Variants in EXOC6 observed in about 807,000 individuals in gnomAD.
EXOC6 encodes the protein SEC15-like 1.
EXOC6 carries 60 observed loss-of-function variants against 112.5 expected under a neutral mutation model. That is an observed-to-expected ratio of 0.53 (90% CI 0.43 to 0.66). The LOEUF (loss-of-function observed/expected upper bound fraction) is 0.66. EXOC6 is among the 30% of genes least tolerant of loss of function. EXOC6 has a pLI of 0.00. For synonymous variants in EXOC6, 295 were observed against 308.0 expected (o/e 0.96, Z 0.44); for missense variants, 855 against 957.1 (o/e 0.89, Z 1.41).
chr10:93,003,800 G>A (rs1364448243), intron 19 of EXOC6, among the ~76,000 whole-genome samples: 16 of 152,106 alleles, frequency 1.1e-4, no homozygotes, highest in East Asian at 3.8e-4. Flanking sequence ...GACTATGACC[G>A]AAGTAAAATT....
At chr10:92,933,012 G>T (rs925611003) in intron 9 of EXOC6, among the ~76,000 whole-genome samples, 19 of 152,214 alleles carry the variant, frequency 1.2e-4, no homozygotes, top group African/African-American at 4.6e-4. Context: ...TGTGTAATGT[G>T]ATTTCCAGAG....
chr10:93,012,761 C>T (rs1044890494), intron 19 of EXOC6, among the ~76,000 whole-genome samples: 1 of 152,068 alleles, frequency 6.6e-6, no homozygotes, highest in African/African-American at 2.4e-5. Context: ...ATAATGTTCT[C>T]TAAAAAAATC....
At chr10:92,907,207 A>T (rs1850490589) in intron 5 of EXOC6, among the ~76,000 whole-genome samples, 1 of 152,182 alleles carries the variant, frequency 6.6e-6, no homozygotes, top group Non-Finnish European at 1.5e-5. Context: ...ATGAGACAGG[A>T]AAGTTGAGAG....
chr10:92,884,142 A>C (rs1367946426), intron 1 of EXOC6, among the ~76,000 whole-genome samples: 1 of 151,980 alleles, frequency 6.6e-6, no homozygotes, highest in African/African-American at 2.4e-5. Flanking sequence ...CAAGTGATTC[A>C]CCTGCCTTGG....
intron 1 of EXOC6, among the ~76,000 whole-genome samples, chr10:92,836,733 TC>T (rs1796085590): frequency 6.6e-6 from 1 of 152,298 alleles, no homozygotes; most frequent in African/African-American, 2.4e-5. Flanking sequence ...TTGATGCCTT[TC>T]CATACATATG....
At chr10:92,907,324 T>C (rs2133863860) in intron 5 of EXOC6, among the ~76,000 whole-genome samples, 1 of 152,300 alleles carries the variant, frequency 6.6e-6, no homozygotes, top group East Asian at 1.9e-4. Flanking sequence ...GGAGAACTTA[T>C]CTCTGACTTG....
chr10:92,982,241 G>A (rs183077903), intron 18 of EXOC6, among the ~76,000 whole-genome samples: 1 of 152,220 alleles, frequency 6.6e-6, no homozygotes, highest in African/African-American at 2.4e-5. Flanking sequence ...GAGATTAGAT[G>A]CCTAAAAAGC....
intron 18 of EXOC6, among the ~76,000 whole-genome samples, chr10:92,994,868 AT>A (rs1450372708): frequency 6.6e-6 from 1 of 151,904 alleles, no homozygotes; most frequent in Admixed American, 6.6e-5. Flanking sequence ...GGGTGTGTAA[AT>A]TTTTGGAGTG....
chr10:92,908,763 A>G (rs1850582997), intron 5 of EXOC6, among the ~76,000 whole-genome samples: 2 of 152,214 alleles, frequency 1.3e-5, no homozygotes, highest in Non-Finnish European at 2.9e-5. Flanking sequence ...ATCTAGGGCA[A>G]AGGCTACACT....
intron 19 of EXOC6, among the ~76,000 whole-genome samples, chr10:92,999,707 A>ATTT (rs11399257): frequency 3.4e-5 from 5 of 145,356 alleles, no homozygotes; most frequent in African/African-American, 5.1e-5. Context: ...ATTGTGCCTA[A>ATTT]TTTTTTTTTT....
intron 17 of EXOC6, among the ~76,000 whole-genome samples, chr10:92,971,714 A>T (rs568538494): frequency 6.6e-6 from 1 of 152,150 alleles, no homozygotes; most frequent in South Asian, 2.1e-4. Flanking sequence ...TTATTGATGT[A>T]TTCTCATAAT....
At chr10:93,017,700 T>C (rs970623833) in intron 20 of EXOC6, among the ~76,000 whole-genome samples, 1 of 151,686 alleles carries the variant, frequency 6.6e-6, no homozygotes, top group Non-Finnish European at 1.5e-5. Flanking sequence ...AAACCACTTA[T>C]ATTTCAAAAG....
chr10:93,049,825 C>T (rs921500222), intron 20 of EXOC6, among the ~76,000 whole-genome samples: 11 of 152,178 alleles, frequency 7.2e-5, no homozygotes, highest in Non-Finnish European at 1.3e-4. Context: ...GCCTTGGCCT[C>T]TCAAAGTGCT....
intron 4 of EXOC6, among the ~76,000 whole-genome samples, chr10:92,896,456 C>G (rs2133827370): frequency 6.7e-6 from 1 of 150,250 alleles, no homozygotes; most frequent in East Asian, 2.0e-4. Flanking sequence ...CTCGGCCTCC[C>G]AAAGTGCTAG....
chr10:92,833,708 CT>C (rs1409622715), upstream of EXOC6, among the ~76,000 whole-genome samples: 3 of 152,142 alleles, frequency 2.0e-5, no homozygotes, highest in African/African-American at 7.2e-5. Context: ...AAATAAAAAG[CT>C]TCTTATGGAA....
intron 19 of EXOC6, among the ~76,000 whole-genome samples, chr10:93,005,533 C>T (rs1162546517): frequency 6.6e-6 from 1 of 152,064 alleles, no homozygotes; most frequent in Non-Finnish European, 1.5e-5. Context: ...ATTAATATGT[C>T]TTCTAAACAA....
chr10:92,997,614 A>C lies in EXOC6; in HGVS notation c.2094A>C (p.Glu698Asp), dbSNP rs754682193. ...QQFNLDVIQC[E>D]LFASSEPVPG... is the part of the protein sequence containing the mutation. ...TTAACTTAGATGTCATACAGTGTGA[A>C]TGTAAGTACTATATTGGTTTATTCT... Residue 698 changes from glutamate (E) to aspartate (D), a missense_variant and splice_region_variant, in exon 19 of 22, where the codon GAA becomes GAC. Coordinates refer to ENST00000260762, the MANE Select transcript of EXOC6 (RefSeq NM_019053.6). The C allele has an allele frequency of 1.2e-6, 2 of 1,605,606 alleles. No individual in the cohort carries two copies. Among genetic ancestry groups the C allele is most frequent in the East Asian group, 2.2e-5 (1 of 44,702 alleles).
At chr10:93,014,395 C>T in intron 20 of EXOC6, 128 bp downstream of exon 20, 1 of 699,090 alleles carries the variant, frequency 1.4e-6, no homozygotes. Context: ...AAAAATCCTT[C>T]CTTGGTAACT....
chr10:92,903,295 G>A (rs1850274038), intron 5 of EXOC6, among the ~76,000 whole-genome samples: 1 of 151,740 alleles, frequency 6.6e-6, no homozygotes, highest in South Asian at 2.1e-4. Flanking sequence ...GAGCCATTTT[G>A]GTAAGTATAA....
Sources: allele counts gnomAD v4.1 joint callset (sites outside exome capture counted in the v4.1 genomes callset), GRCh38; gene constraint gnomAD v4.1.1; transcripts MANE v1.5; gene names NCBI Gene and HGNC (gene_info 2026-07-23, HGNC 2026-07-21).